KIZ: variants seen among roughly 807,000 people sequenced by gnomAD.
KIZ encodes centrosomal protein kizuna.
In KIZ, 68 loss-of-function variants were observed where a neutral mutation model predicts 79.6. The observed-to-expected ratio is 0.85, with a 90% CI of 0.70 to 1.05. KIZ has a LOEUF of 1.05. KIZ is among the 50% of genes least tolerant of loss of function. The pLI is 0.00. For missense variants in KIZ, 797 were observed against 800.4 expected (o/e 1.00, Z 0.05); for synonymous variants, 280 against 281.8 (o/e 0.99, Z 0.06).
At chr20:21,207,574 C>A (rs774699813) in intron 7 of KIZ, among the ~76,000 whole-genome samples, 6 of 151,112 alleles carry the variant, frequency 4.0e-5, no homozygotes, top group South Asian at 2.1e-4. Flanking sequence ...TTCCCTCCCC[C>A]CTTTCCCTTA....
chr20:21,176,569 C>CAA (rs35016994), intron 6 of KIZ, among the ~76,000 whole-genome samples: 1 of 131,110 alleles, frequency 7.6e-6, no homozygotes, highest in Non-Finnish European at 1.6e-5. Flanking sequence ...ACAAAAAAGG[C>CAA]AAAAAAAAAA....
At chr20:21,126,872 A>G (rs1394383304) in intron 1 of KIZ, among the ~76,000 whole-genome samples, 5 of 152,234 alleles carry the variant, frequency 3.3e-5, no homozygotes, top group Non-Finnish European at 5.9e-5. Context: ...GCAATGTACT[A>G]TGAATAACCA....
intron 7 of KIZ, 23 bp from the exon 8 acceptor site, chr20:21,214,512 G>C (rs769264543): frequency 6.4e-7 from 1 of 1,574,690 alleles, no homozygotes. Flanking sequence ...TTATTTCTTT[G>C]TGCTTTTTTT....
intron 6 of KIZ, among the ~76,000 whole-genome samples, chr20:21,168,034 T>G (rs2122760611): frequency 6.6e-6 from 1 of 152,290 alleles, no homozygotes; most frequent in African/African-American, 2.4e-5. Context: ...ACTCGTCATT[T>G]AACATTAGGT....
At chr20:21,173,788 G>A (rs1050292140) in intron 6 of KIZ, among the ~76,000 whole-genome samples, 8 of 152,060 alleles carry the variant, frequency 5.3e-5, no homozygotes, top group South Asian at 2.1e-4. Flanking sequence ...CCTTTTTGAC[G>A]TTCACAGGGA....
intron 6 of KIZ, among the ~76,000 whole-genome samples, chr20:21,186,886 T>C (rs2034896366): frequency 6.6e-6 from 1 of 152,134 alleles, no homozygotes; most frequent in African/African-American, 2.4e-5. Context: ...TATTTCTTCT[T>C]TTTGTCTTTG....
chr20:21,142,790 C>CAAATAAATAAAT (rs56314647), intron 3 of KIZ, among the ~76,000 whole-genome samples: 12,358 of 147,832 alleles, frequency 0.084, 913 homozygotes, highest in African/African-American at 0.19. Context: ...GCCCTTGTCT[C>CAAATAAATAAAT]AAATAAATAA....
chr20:21,195,117 A>C (rs889802450), intron 6 of KIZ: 7 of 152,262 alleles, frequency 4.6e-5, no homozygotes, highest in Non-Finnish European at 7.3e-5. Flanking sequence ...GGGGTAAGAA[A>C]GATCCCTATG....
At chr20:21,239,758 G>A (rs1370962859) in intron 11 of KIZ, among the ~76,000 whole-genome samples, 2 of 152,210 alleles carry the variant, frequency 1.3e-5, no homozygotes, top group African/African-American at 2.4e-5. Flanking sequence ...CGTATAGAGT[G>A]TTCACTGTGT....
intron 7 of KIZ, among the ~76,000 whole-genome samples, chr20:21,210,775 A>G (rs921263445): frequency 6.8e-5 from 10 of 146,992 alleles, no homozygotes; most frequent in African/African-American, 2.5e-4. Flanking sequence ...TTTTTTTTTT[A>G]GGGGCAGCAA....
At chr20:21,192,279 ATTT>A (rs1260846529) in intron 6 of KIZ, among the ~76,000 whole-genome samples, 4 of 91,108 alleles carry the variant, frequency 4.4e-5, no homozygotes, top group Non-Finnish European at 2.2e-5. Context: ...TCATTTCTGG[ATTT>A]TTTTTTTTTT....
At chr20:21,207,989 G>A (rs2035907338) in intron 7 of KIZ, among the ~76,000 whole-genome samples, 1 of 152,110 alleles carries the variant, frequency 6.6e-6, no homozygotes, top group African/African-American at 2.4e-5. Context: ...TTCTGGGATT[G>A]CAGATATGAG....
At chr20:21,161,318 G>T (rs1277861300) in intron 4 of KIZ, among the ~76,000 whole-genome samples, 1 of 152,116 alleles carries the variant, frequency 6.6e-6, no homozygotes, top group Non-Finnish European at 1.5e-5. Flanking sequence ...TTCAAAGCAT[G>T]TATTTCTTTT....
At chr20:21,126,340 C>T (rs1249655729) in intron 1 of KIZ, 136 bp downstream of exon 1, 13 of 544,430 alleles carry the variant, frequency 2.4e-5, no homozygotes, top group Non-Finnish European at 4.0e-5. Context: ...CCCAGGCTCC[C>T]AGTGGGGCCT....
chr20:21,150,423 A>G (rs1448468988), intron 4 of KIZ, among the ~76,000 whole-genome samples: 1 of 152,154 alleles, frequency 6.6e-6, no homozygotes, highest in African/African-American at 2.4e-5. Flanking sequence ...CTCAACTATA[A>G]ACAACACAAA....
At position 21,163,114 on chromosome 20, in the gene KIZ, C is replaced by T. The variant is rs748173980; in HGVS notation, c.1307C>T (p.Ser436Phe). 2.0e-5 allele frequency: 33 copies of T among 1,612,896 alleles called. No homozygotes were observed. Among genetic ancestry groups the T allele is most frequent in the Non-Finnish European group, 2.7e-5 (32 of 1,179,592 alleles). Residue 436 changes from serine (S) to phenylalanine (F), a missense_variant, in exon 6 of 13, where the codon TCT becomes TTT. Ser to Phe is a radical substitution (Grantham distance 155, BLOSUM62 -2). Coordinates refer to ENST00000619189, the MANE Select transcript of KIZ (RefSeq NM_018474.6). ...EKNCILQTLS[S>F]PDSEKESSTN... ...AATTGTATTTTGCAAACCCTAAGCT[C>T]TCCTGATTCAGAAAAGGAATCCTCC...
chr20:21,137,747 C>T (rs1008035171), intron 3 of KIZ, among the ~76,000 whole-genome samples: 1 of 151,984 alleles, frequency 6.6e-6, no homozygotes, highest in East Asian at 1.9e-4. Context: ...ATAATCATAC[C>T]ATTATCACGT....
intron 11 of KIZ, among the ~76,000 whole-genome samples, chr20:21,239,961 G>A (rs1013385643): frequency 2.0e-5 from 3 of 152,158 alleles, no homozygotes; most frequent in Non-Finnish European, 4.4e-5. Context: ...TAGGCAGAGG[G>A]GAGAGATGTG....
In KIZ at chr20:21,223,548, C is replaced by T. The variant is rs372871564; in HGVS notation, c.1679-5463C>T. ...TGGATGTGAAAAGTGATTCTGGTTA[C>T]GGACCCAAACTTGTGTATCTTCCTG... On this transcript the variant is annotated intron_variant, in intron 9 of 12. Coordinates refer to ENST00000619189, the MANE Select transcript of KIZ (RefSeq NM_018474.6). Among the ~76,000 whole-genome samples, 32 of 151,916 alleles carry T rather than the reference C, an allele frequency of 2.1e-4. No homozygotes were observed. In the South Asian group the frequency reaches 5.2e-3, roughly 25 times the overall value.
Sources: gnomAD v4.1 joint callset for allele counts (sites outside exome capture counted in the v4.1 genomes callset) on GRCh38, gnomAD v4.1.1 for gene constraint, MANE v1.5 for transcripts, NCBI Gene and HGNC (gene_info 2026-07-23, HGNC 2026-07-21) for gene names.